The following CORO2B variants were observed in gnomAD, a reference collection of about 807,000 sequenced individuals.
The protein encoded by CORO2B is coronin 2B.
In CORO2B, 26 loss-of-function variants were observed where a neutral mutation model predicts 58.8. That is an observed-to-expected ratio of 0.44 (90% CI 0.32 to 0.61). The LOEUF (loss-of-function observed/expected upper bound fraction) is 0.61, where lower values mean the gene tolerates loss of function less well. Ranked by LOEUF, CORO2B falls within the 20% of genes least tolerant of loss-of-function variation. The probability of loss-of-function intolerance (pLI) is 0.04; values close to 1 mark genes in which losing one functional copy is unlikely to be tolerated. For missense variants in CORO2B, 460 were observed against 645.1 expected (o/e 0.71, Z 3.11); for synonymous variants, 242 against 253.8 (o/e 0.95, Z 0.44).
rs544965780 is a variant in CORO2B, at chr15:68,718,479, G to A, written c.968-219G>A. ...AGGGTCCAATTCTAAAGCACGCACTGTGGTGAGGCAGGTCTGGCCCAAGGA... is the reference window on the plus strand; with the variant it reads ...AGGGTCCAATTCTAAAGCACGCACTATGGTGAGGCAGGTCTGGCCCAAGGA... On this transcript the variant is annotated intron_variant, in intron 8 of 11. Coordinates refer to ENST00000261861, the MANE Select transcript of CORO2B (RefSeq NM_006091.5). Among the ~76,000 whole-genome samples the A allele has an allele frequency of 2.0e-5, 3 of 152,310 alleles. No individual in the cohort carries two copies. The South Asian group carries it at 6.2e-4, about 32-fold the overall frequency.
chr15:68,719,616 T>C, intron 11 of CORO2B, 64 bp downstream of exon 11: 7 of 1,537,746 alleles, frequency 4.6e-6, no homozygotes, highest in Non-Finnish European at 6.1e-6. Flanking sequence ...ATTTCAATTA[T>C]GGGCTTCAGG....
At position 68,639,658 on chromosome 15, in the gene CORO2B, G is replaced by A. The variant is rs567288272; in HGVS notation, c.16-5502G>A. Reference sequence around the variant, plus strand: ...TCACTGTTCCACATCGTCCTTAATCGGAGGTCATCCACCTAAATCTTGAAC... The same window carrying A: ...TCACTGTTCCACATCGTCCTTAATCAGAGGTCATCCACCTAAATCTTGAAC... On this transcript the variant is annotated intron_variant, in intron 1 of 11. Transcript: ENST00000261861. Among the ~76,000 whole-genome samples, 8 of 152,272 alleles carry A rather than the reference G, an allele frequency of 5.3e-5. No homozygotes were observed. The South Asian group carries it at 1.0e-3, about 20-fold the overall frequency.
intron 2 of CORO2B, among the ~76,000 whole-genome samples, chr15:68,654,434 T>C (rs1595992198): frequency 6.6e-6 from 1 of 152,324 alleles, no homozygotes; most frequent in African/African-American, 2.4e-5. Flanking sequence ...TAGTAGCTGG[T>C]TCACTAGGAC....
intron 2 of CORO2B, among the ~76,000 whole-genome samples, chr15:68,692,691 T>C (rs759005660): frequency 2.1e-4 from 31 of 149,390 alleles, no homozygotes; most frequent in Admixed American, 4.7e-4. Context: ...TGGAGTGCAG[T>C]GGTGTGATAT....
At chr15:68,590,418 C>T (rs899405149) in intron 1 of CORO2B, among the ~76,000 whole-genome samples, 1 of 152,140 alleles carries the variant, frequency 6.6e-6, no homozygotes, top group Non-Finnish European at 1.5e-5. Context: ...CTGCTGTTAC[C>T]CCCACTTTTC....
At chr15:68,723,862 C>G (rs1297946791) in intron 11 of CORO2B, among the ~76,000 whole-genome samples, 3 of 152,140 alleles carry the variant, frequency 2.0e-5, no homozygotes, top group Admixed American at 6.6e-5. Flanking sequence ...ATCGCTTGAG[C>G]CCAGGAGTTT....
chr15:68,519,750 A>G, the CORO2B span, among the ~76,000 whole-genome samples: 5 of 152,176 alleles, frequency 3.3e-5, no homozygotes, highest in South Asian at 1.0e-3. Context: ...ATGTCTTAGG[A>G]TAGATACTTA....
At chr15:68,558,638 A>G in the CORO2B span, among the ~76,000 whole-genome samples, 1 of 152,144 alleles carries the variant, frequency 6.6e-6, no homozygotes, top group Admixed American at 6.5e-5. Flanking sequence ...AGTCTCTCAA[A>G]GTGCTGGGAT....
chr15:68,696,762 C>T (rs1050140809), intron 3 of CORO2B, among the ~76,000 whole-genome samples: 1 of 152,162 alleles, frequency 6.6e-6, no homozygotes, highest in Non-Finnish European at 1.5e-5. Flanking sequence ...GAGGAGATTT[C>T]AGAGCCTCAG....
chr15:68,721,309 T>C (rs1219281069), intron 11 of CORO2B, among the ~76,000 whole-genome samples: 1 of 152,206 alleles, frequency 6.6e-6, no homozygotes, highest in Non-Finnish European at 1.5e-5. Context: ...TGTAGAGGGA[T>C]ATTCAGGGCT....
chr15:68,704,250 A>G (rs35425621), intron 3 of CORO2B, among the ~76,000 whole-genome samples: 21,267 of 151,708 alleles, frequency 0.14, 1,998 homozygotes, highest in Non-Finnish European at 0.2. Flanking sequence ...AAAAAAAAAA[A>G]GAAAACTATA....
At chr15:68,547,834 T>G in the CORO2B span, among the ~76,000 whole-genome samples, 1 of 152,186 alleles carries the variant, frequency 6.6e-6, no homozygotes, top group African/African-American at 2.4e-5. Flanking sequence ...CATAGTCATA[T>G]CTTATGGACT....
At chr15:68,635,696 C>G (rs995350657) in intron 1 of CORO2B, among the ~76,000 whole-genome samples, 2 of 152,104 alleles carry the variant, frequency 1.3e-5, no homozygotes, top group African/African-American at 4.8e-5. Flanking sequence ...AAAGTTGGGC[C>G]CAGAGGAGGC....
the CORO2B span, among the ~76,000 whole-genome samples, chr15:68,568,379 A>G: frequency 6.6e-6 from 1 of 152,180 alleles, no homozygotes. Flanking sequence ...CCTAGACACA[A>G]GTGCTGGCTA....
At chr15:68,689,060 G>A (rs1287522175) in intron 2 of CORO2B, among the ~76,000 whole-genome samples, 1 of 152,098 alleles carries the variant, frequency 6.6e-6, no homozygotes, top group Non-Finnish European at 1.5e-5. Context: ...TCTTCCTTGG[G>A]AAGACTCAGG....
intron 2 of CORO2B, among the ~76,000 whole-genome samples, chr15:68,684,779 T>C (rs542404076): frequency 3.3e-5 from 5 of 152,186 alleles, no homozygotes; most frequent in Admixed American, 2.6e-4. Context: ...GTGTTGAGGG[T>C]TGTGCAAATG....
chr15:68,574,954 C>T (rs1393648644), upstream of CORO2B, among the ~76,000 whole-genome samples: 1 of 152,188 alleles, frequency 6.6e-6, no homozygotes, highest in Non-Finnish European at 1.5e-5. Context: ...GAGACCAGAA[C>T]TAATACTGCA....
chr15:68,525,783 G>A, the CORO2B span, among the ~76,000 whole-genome samples: 3 of 152,230 alleles, frequency 2.0e-5, no homozygotes, highest in Non-Finnish European at 4.4e-5. Context: ...ATTATAACGT[G>A]TTAAAATGCA....
intron 1 of CORO2B, among the ~76,000 whole-genome samples, chr15:68,618,308 C>T (rs1192945358): frequency 6.6e-6 from 1 of 152,156 alleles, no homozygotes; most frequent in African/African-American, 2.4e-5. Context: ...GTGTGAGAAA[C>T]ATGGGTTGAG....
Sources: allele counts gnomAD v4.1 joint callset (sites outside exome capture counted in the v4.1 genomes callset), GRCh38; gene constraint gnomAD v4.1.1; transcripts MANE v1.5; gene names NCBI Gene and HGNC (gene_info 2026-07-23, HGNC 2026-07-21).